SH3GL2: variants seen among roughly 807,000 people sequenced by gnomAD.
SH3GL2 encodes endophilin-A1.
Under a neutral mutation model 46.0 loss-of-function variants are expected in SH3GL2, and 24 were observed. The observed-to-expected ratio is 0.52, with a 90% CI of 0.38 to 0.73. SH3GL2 has a LOEUF of 0.73. SH3GL2 is among the 30% of genes least tolerant of loss of function. The probability of loss-of-function intolerance (pLI) is 0.00; values close to 1 mark genes in which losing one functional copy is unlikely to be tolerated. For missense variants in SH3GL2, 413 were observed against 424.2 expected, an observed-to-expected ratio of 0.97 and a Z score of 0.23; for synonymous variants, 196 against 147.1, an observed-to-expected ratio of 1.33 and a Z score of -2.40.
Position 17,635,380 on chromosome 9 carries a change from A to C in SH3GL2, c.45+56093A>C, listed in dbSNP as rs529604821. On this transcript the variant is annotated intron_variant, in intron 1 of 8. Coordinates refer to ENST00000380607, the MANE Select transcript of SH3GL2 (RefSeq NM_003026.5). ...GTACCACATTTTCTTTATCCAGTCT[A>C]TCATTGATGGGCATTTAGATTGATT... Among the ~76,000 whole-genome samples, 3 of 152,266 alleles carry C rather than the reference A, an allele frequency of 2.0e-5. No individual in the cohort carries two copies. The South Asian group carries it at 6.2e-4, about 32-fold the overall frequency.
intron 8 of SH3GL2, 96 bp from the exon 9 acceptor site, chr9:17,795,448 C>G: frequency 1.1e-6 from 1 of 892,750 alleles, no homozygotes; most frequent in Admixed American, 2.3e-5. Context: ...AGACGGGGAG[C>G]AGCAAGCCAG....
At chr9:17,691,215 C>T (rs1049763578) in intron 1 of SH3GL2, among the ~76,000 whole-genome samples, 1 of 152,070 alleles carries the variant, frequency 6.6e-6, no homozygotes, top group African/African-American at 2.4e-5. Context: ...TTTCCTGTTC[C>T]AGTTGTTGCT....
At chr9:17,594,688 G>A (rs2134552738) in intron 1 of SH3GL2, among the ~76,000 whole-genome samples, 1 of 152,240 alleles carries the variant, frequency 6.6e-6, no homozygotes. Flanking sequence ...TCTGTGAAGT[G>A]TAGTGCTCGG....
chr9:17,716,766 T>C lies in SH3GL2; in HGVS notation c.46-30300T>C, dbSNP rs1821771428. On this transcript the variant is annotated intron_variant, in intron 1 of 8. Coordinates refer to ENST00000380607, the MANE Select transcript of SH3GL2 (RefSeq NM_003026.5). ...GTCTCAGATTCTGATCTCTCTTCAC[T>C]CCATTCGCCTATGTTCTCTCTCTTT... Among the ~76,000 whole-genome samples, 3 of 152,132 alleles carry C rather than the reference T, an allele frequency of 2.0e-5. No homozygotes were observed. In the South Asian group the frequency reaches 6.2e-4, roughly 32 times the overall value.
rs541852155 is a variant in SH3GL2, at chr9:17,682,078, G to A, written c.46-64988G>A. The stretch of plus-strand genomic sequence containing the variant: ...GTCAAGAAACAATAGATGTGAGCCT[G>A]TGGAGAAATGGGAACACTTTCACAC... On this transcript the variant is annotated intron_variant, in intron 1 of 8. Coordinates refer to ENST00000380607, the MANE Select transcript of SH3GL2 (RefSeq NM_003026.5). 5.3e-5 allele frequency among the ~76,000 whole-genome samples: 8 copies of A among 152,286 alleles called. No homozygotes were observed. The South Asian group carries it at 1.7e-3, about 32-fold the overall frequency.
intron 1 of SH3GL2, among the ~76,000 whole-genome samples, chr9:17,634,762 C>T (rs774853639): frequency 6.6e-6 from 1 of 152,146 alleles, no homozygotes; most frequent in Non-Finnish European, 1.5e-5. Flanking sequence ...CCATGTCAGT[C>T]AGCCAACAGC....
At position 17,772,978 on chromosome 9, in the gene SH3GL2, A is replaced by G. The variant is rs114023987; in HGVS notation, c.187+11469A>G. 6.6e-3 allele frequency among the ~76,000 whole-genome samples: 1,011 copies of G among 152,258 alleles called. 11 individuals carry two copies. The highest frequency in any genetic ancestry group is 0.023 in the African/African-American group (958 of 41,552). On this transcript the variant is annotated intron_variant, in intron 3 of 8. Transcript: ENST00000380607. ...AGTGCACAAGGGTTCGAGTTACTCT[A>G]CATCCTTGCTAACACTTGTTATTTT...
chr9:17,627,114 C>G (rs986441332), intron 1 of SH3GL2, among the ~76,000 whole-genome samples: 1 of 152,188 alleles, frequency 6.6e-6, no homozygotes, highest in Admixed American at 6.5e-5. Flanking sequence ...AGAATTGGGA[C>G]TGCCGGTAAA....
intron 1 of SH3GL2, among the ~76,000 whole-genome samples, chr9:17,737,722 C>T (rs377415440): frequency 1.3e-5 from 2 of 152,078 alleles, no homozygotes; most frequent in Non-Finnish European, 2.9e-5. Context: ...TTCCCTGCCT[C>T]GTCTTTAATT....
At chr9:17,737,980 A>G (rs922483961) in intron 1 of SH3GL2, among the ~76,000 whole-genome samples, 5 of 151,442 alleles carry the variant, frequency 3.3e-5, no homozygotes, top group African/African-American at 9.7e-5. Flanking sequence ...TTCCCAGCCT[A>G]CTCTTCTCTC....
chr9:17,783,365 G>A (rs1339972071), intron 3 of SH3GL2, among the ~76,000 whole-genome samples: 9 of 151,432 alleles, frequency 5.9e-5, no homozygotes, highest in African/African-American at 9.7e-5. Flanking sequence ...TGAGTTTACA[G>A]CATCCTCAGC....
intron 2 of SH3GL2, among the ~76,000 whole-genome samples, chr9:17,758,099 C>G (rs1823052032): frequency 6.6e-6 from 1 of 152,186 alleles, no homozygotes; most frequent in East Asian, 1.9e-4. Flanking sequence ...AAGAAAGCCT[C>G]TGATTAATGG....
chr9:17,584,143 TGCCCTTAGC>T (rs1818326683), intron 1 of SH3GL2, among the ~76,000 whole-genome samples: 3 of 152,326 alleles, frequency 2.0e-5, no homozygotes, highest in African/African-American at 7.2e-5. Context: ...TGAGGGAGAA[TGCCCTTAGC>T]CTGTTACCAG....
At chr9:17,743,535 T>A (rs1409070478) in intron 1 of SH3GL2, among the ~76,000 whole-genome samples, 1 of 147,144 alleles carries the variant, frequency 6.8e-6, no homozygotes, top group Admixed American at 6.8e-5. Context: ...CCCTCCTTCT[T>A]CCTTTCCCTC....
intron 1 of SH3GL2, among the ~76,000 whole-genome samples, chr9:17,623,026 C>G (rs1394220669): frequency 1.9e-5 from 2 of 104,318 alleles, no homozygotes; most frequent in Non-Finnish European, 4.0e-5. Flanking sequence ...CTTTCCTTTC[C>G]TTTCCTTTCC....
intron 1 of SH3GL2, among the ~76,000 whole-genome samples, chr9:17,724,249 A>G (rs562360392): frequency 6.6e-6 from 1 of 152,200 alleles, no homozygotes; most frequent in Non-Finnish European, 1.5e-5. Flanking sequence ...TCTTTTGCCC[A>G]TGCAAATGAA....
intron 1 of SH3GL2, among the ~76,000 whole-genome samples, chr9:17,640,644 C>T (rs10963179): frequency 0.11 from 17,033 of 152,168 alleles, 1,040 homozygotes; most frequent in East Asian, 0.2. Context: ...ACAGCATATG[C>T]CCTCAGAAGG....
At chr9:17,674,035 C>G (rs1218416431) in intron 1 of SH3GL2, among the ~76,000 whole-genome samples, 1 of 152,168 alleles carries the variant, frequency 6.6e-6, no homozygotes, top group African/African-American at 2.4e-5. Flanking sequence ...TTGTGTGGCT[C>G]TTGAAATCAT....
chr9:17,585,014 G>T (rs1818346872), intron 1 of SH3GL2, among the ~76,000 whole-genome samples: 1 of 152,164 alleles, frequency 6.6e-6, no homozygotes, highest in Non-Finnish European at 1.5e-5. Flanking sequence ...GGCAAGACTT[G>T]GTTGGGGCAA....
Sources: gnomAD v4.1 joint callset for allele counts (sites outside exome capture counted in the v4.1 genomes callset) on GRCh38, gnomAD v4.1.1 for gene constraint, MANE v1.5 for transcripts, NCBI Gene and HGNC (gene_info 2026-07-23, HGNC 2026-07-21) for gene names.